SGCD: variants seen among roughly 807,000 people sequenced by gnomAD.
SGCD encodes the protein sarcoglycan delta.
Under a neutral mutation model 36.6 loss-of-function variants are expected in SGCD, and 18 were observed. That is an observed-to-expected ratio of 0.49 (90% confidence interval 0.34 to 0.73). SGCD has a LOEUF of 0.73. SGCD is among the 30% of genes least tolerant of loss of function. The probability of loss-of-function intolerance (pLI) is 0.01; values close to 1 mark genes in which losing one functional copy is unlikely to be tolerated. For synonymous variants in SGCD, 133 were observed against 130.6 expected (o/e 1.02, Z -0.12); for missense variants, 387 against 346.7 (o/e 1.12, Z -0.92).
At chr5:155,803,752 C>T in the SGCD span, among the ~76,000 whole-genome samples, 1 of 152,156 alleles carries the variant, frequency 6.6e-6, no homozygotes, top group Non-Finnish European at 1.5e-5. Flanking sequence ...GGTGATACTT[C>T]CTTTCTGGGG....
At chr5:155,758,408 GTCA>G in the SGCD span, among the ~76,000 whole-genome samples, 1 of 152,116 alleles carries the variant, frequency 6.6e-6, no homozygotes, top group South Asian at 2.1e-4. Context: ...GATGATTGAA[GTCA>G]TCAATACTTT....
chr5:156,507,165 T>G (rs1471083888), intron 3 of SGCD, among the ~76,000 whole-genome samples: 1 of 152,218 alleles, frequency 6.6e-6, no homozygotes, highest in Admixed American at 6.5e-5. Flanking sequence ...GAATTACAAT[T>G]ACTGATCAGG....
chr5:156,305,221 T>A (rs1767172365), intron 3 of SGCD, among the ~76,000 whole-genome samples: 1 of 152,128 alleles, frequency 6.6e-6, no homozygotes, highest in African/African-American at 2.4e-5. Context: ...TTCCCTCCCA[T>A]CACAGGTCAG....
chr5:156,731,889 C>T (rs1756093858), intron 7 of SGCD, among the ~76,000 whole-genome samples: 2 of 151,988 alleles, frequency 1.3e-5, no homozygotes, highest in African/African-American at 4.8e-5. Context: ...TAGCTGTATT[C>T]CTGGGTATTT....
chr5:156,461,384 C>T (rs1561710590), intron 3 of SGCD, among the ~76,000 whole-genome samples: 1 of 151,836 alleles, frequency 6.6e-6, no homozygotes, highest in African/African-American at 2.4e-5. Flanking sequence ...GATAACATTA[C>T]CAGAAATTCT....
chr5:155,971,039 G>T (rs1225213976), intron 1 of SGCD, among the ~76,000 whole-genome samples: 2 of 152,102 alleles, frequency 1.3e-5, no homozygotes, highest in Non-Finnish European at 2.9e-5. Context: ...CAAGCAAGGA[G>T]ATACACCTGT....
intron 1 of SGCD, among the ~76,000 whole-genome samples, chr5:155,894,640 G>A (rs1316367840): frequency 1.3e-5 from 2 of 152,084 alleles, no homozygotes; most frequent in African/African-American, 2.4e-5. Flanking sequence ...ATCAGTGGTG[G>A]CATTAGATTC....
intron 4 of SGCD, among the ~76,000 whole-genome samples, chr5:156,551,181 G>T (rs1758777028): frequency 6.6e-6 from 1 of 152,042 alleles, no homozygotes; most frequent in African/African-American, 2.4e-5. Flanking sequence ...TTTTAGTTGA[G>T]ATATCCACCT....
chr5:155,946,361 G>T (rs920897313), intron 1 of SGCD, among the ~76,000 whole-genome samples: 2 of 152,134 alleles, frequency 1.3e-5, no homozygotes, highest in African/African-American at 2.4e-5. Flanking sequence ...AATATAGCTA[G>T]TTAGGGCAGA....
intron 3 of SGCD, among the ~76,000 whole-genome samples, chr5:156,419,315 T>A (rs1773195853): frequency 6.6e-6 from 1 of 152,170 alleles, no homozygotes; most frequent in African/African-American, 2.4e-5. Context: ...TATCTCAGAT[T>A]ATGTGTCTTC....
At chr5:155,961,911 A>C (rs549909724) in intron 1 of SGCD, among the ~76,000 whole-genome samples, 41 of 152,232 alleles carry the variant, frequency 2.7e-4, no homozygotes, top group African/African-American at 9.6e-4. Context: ...ATGATGAAAA[A>C]TTCATGCAGG....
chr5:156,620,003 T>A lies in SGCD; in HGVS notation c.502+24952T>A, dbSNP rs192586384. 3.9e-3 allele frequency among the ~76,000 whole-genome samples: 591 copies of A among 152,262 alleles called. 5 individuals carry two copies. Among genetic ancestry groups the A allele is most frequent in the Non-Finnish European group, 4.2e-3 (285 of 68,024 alleles). On this transcript the variant is annotated intron_variant, in intron 6 of 8. Coordinates refer to ENST00000337851, the MANE Select transcript of SGCD (RefSeq NM_000337.6). The stretch of plus-strand genomic sequence containing the variant: ...AGACAGAGGAGAAAATATCCAGTCT[T>A]CTTCAAAGTACAGAATAGAAGCAAA...
At chr5:156,537,488 CACACACACACACACACACAG>C (rs1758167298) in intron 4 of SGCD, among the ~76,000 whole-genome samples, 1 of 150,864 alleles carries the variant, frequency 6.6e-6, no homozygotes, top group African/African-American at 2.5e-5. Context: ...CACACACACA[CACACACACACACACACACAG>C]GTATATATAT....
intron 1 of SGCD, among the ~76,000 whole-genome samples, chr5:155,939,874 C>T (rs1199747612): frequency 6.7e-6 from 1 of 150,278 alleles, no homozygotes; most frequent in Admixed American, 6.6e-5. Context: ...CGCTCTGTCA[C>T]CCAGGCTGGA....
upstream of SGCD, among the ~76,000 whole-genome samples, chr5:156,324,746 C>CT (rs879894194): frequency 0.056 from 8,156 of 145,574 alleles, 719 homozygotes; most frequent in African/African-American, 0.19. Flanking sequence ...TTTAAAACTT[C>CT]TTTTTTTTTT....
chr5:156,090,081 C>G (rs76724793), intron 1 of SGCD, among the ~76,000 whole-genome samples: 1 of 152,086 alleles, frequency 6.6e-6, no homozygotes, highest in South Asian at 2.1e-4. Flanking sequence ...ATGAGCTGTT[C>G]GATTTGCTTT....
At chr5:155,918,932 T>C (rs1285581573) in intron 1 of SGCD, among the ~76,000 whole-genome samples, 1 of 152,258 alleles carries the variant, frequency 6.6e-6, no homozygotes, top group East Asian at 1.9e-4. Context: ...GCACATACTT[T>C]AAGAGGTAAA....
chr5:156,283,230 T>C (rs531770451), intron 3 of SGCD, among the ~76,000 whole-genome samples: 1 of 152,274 alleles, frequency 6.6e-6, no homozygotes. Context: ...TGATTGGTAT[T>C]GGTCCATAGA....
chr5:156,272,904 A>G (rs1326120570), intron 3 of SGCD, among the ~76,000 whole-genome samples: 2 of 152,204 alleles, frequency 1.3e-5, no homozygotes, highest in Non-Finnish European at 2.9e-5. Flanking sequence ...GAGCCCTACA[A>G]TGGCAAAGTT....
Sources: allele counts gnomAD v4.1 joint callset (sites outside exome capture counted in the v4.1 genomes callset), GRCh38; gene constraint gnomAD v4.1.1; transcripts MANE v1.5; gene names NCBI Gene and HGNC (gene_info 2026-07-23, HGNC 2026-07-21).